MEGF10: variants seen among roughly 807,000 people sequenced by gnomAD.
MEGF10 encodes multiple epidermal growth factor-like domains protein 10.
Under a neutral mutation model 147.5 loss-of-function variants are expected in MEGF10, and 86 were observed. The ratio of observed to expected loss-of-function variants is 0.58; its 90% confidence interval spans 0.49 to 0.70. The LOEUF (loss-of-function observed/expected upper bound fraction) is 0.70, where lower values mean the gene tolerates loss of function less well. Among genes scored for constraint, MEGF10 ranks in the 30% least tolerant of loss-of-function variants. The pLI, the probability that MEGF10 is intolerant of heterozygous loss-of-function variation, is 0.00. For synonymous variants in MEGF10, 478 were observed against 525.5 expected, an observed-to-expected ratio of 0.91 and a Z score of 1.24; for missense variants, 1,329 against 1,487.3, an observed-to-expected ratio of 0.89 and a Z score of 1.75.
chr5:127,449,299 G>A, intron 22 of MEGF10, 77 bp downstream of exon 22: 1 of 1,578,070 alleles, frequency 6.3e-7, no homozygotes, highest in Non-Finnish European at 8.6e-7. Flanking sequence ...CTCTGTTTGT[G>A]CCAAGGTGTT....
chr5:127,394,623 T>C (rs1763830397), intron 5 of MEGF10, among the ~76,000 whole-genome samples: 2 of 152,150 alleles, frequency 1.3e-5, no homozygotes, highest in South Asian at 4.2e-4. Context: ...TTAAAGATTT[T>C]TTTCTTTTGA....
the MEGF10 span, among the ~76,000 whole-genome samples, chr5:127,254,530 G>A: frequency 6.6e-6 from 1 of 152,050 alleles, no homozygotes; most frequent in Non-Finnish European, 1.5e-5. Flanking sequence ...GTTGCATTGT[G>A]GCTGGGTGCA....
intron 6 of MEGF10, among the ~76,000 whole-genome samples, chr5:127,397,676 A>C (rs1220647320): frequency 6.6e-6 from 1 of 152,266 alleles, no homozygotes; most frequent in Non-Finnish European, 1.5e-5. Context: ...CCTGATTTTC[A>C]GAATTGATGA....
At chr5:127,369,341 T>C (rs1762767080) in intron 4 of MEGF10, among the ~76,000 whole-genome samples, 1 of 152,176 alleles carries the variant, frequency 6.6e-6, no homozygotes, top group Non-Finnish European at 1.5e-5. Context: ...GATTGAGATT[T>C]ACTGTTTCCC....
intron 13 of MEGF10, chr5:127,424,786 A>G (rs1000562819): frequency 7.0e-5 from 11 of 157,300 alleles, no homozygotes; most frequent in African/African-American, 1.9e-4. Flanking sequence ...CTGCCTTCCA[A>G]TGTTTCAGCT....
At chr5:127,413,881 C>A (rs1764663126) in intron 9 of MEGF10, among the ~76,000 whole-genome samples, 2 of 152,208 alleles carry the variant, frequency 1.3e-5, no homozygotes, top group Non-Finnish European at 2.9e-5. Context: ...AATTTCTCAG[C>A]CTGCCTCTTG....
intron 22 of MEGF10, among the ~76,000 whole-genome samples, chr5:127,453,591 C>A (rs1422582940): frequency 6.6e-6 from 1 of 152,178 alleles, no homozygotes; most frequent in Non-Finnish European, 1.5e-5. Flanking sequence ...AAAATTGACA[C>A]TCAGAGGGTG....
chr5:127,248,660 A>G, the MEGF10 span, among the ~76,000 whole-genome samples: 2 of 152,024 alleles, frequency 1.3e-5, no homozygotes, highest in African/African-American at 4.8e-5. Context: ...GAAGATAACA[A>G]AATGGAAAAA....
intron 2 of MEGF10, among the ~76,000 whole-genome samples, chr5:127,333,332 A>G (rs1417432471): frequency 6.6e-6 from 1 of 152,084 alleles, no homozygotes. Context: ...CCTGGCCAAC[A>G]TGGCAAAGCC....
chr5:127,419,322 G>A (rs1379376144), intron 11 of MEGF10, 82 bp downstream of exon 11: 1 of 1,506,796 alleles, frequency 6.6e-7, no homozygotes, highest in Non-Finnish European at 8.9e-7. Context: ...CCTTAACCAG[G>A]GTTCTAGCTC....
intron 2 of MEGF10, among the ~76,000 whole-genome samples, chr5:127,338,783 A>G (rs566134198): frequency 2.4e-4 from 37 of 152,200 alleles, no homozygotes; most frequent in African/African-American, 8.9e-4. Context: ...GATCTTTGTT[A>G]TGCTTTGAGC....
chr5:127,316,784 C>T (rs992049383), intron 1 of MEGF10, among the ~76,000 whole-genome samples: 2 of 152,006 alleles, frequency 1.3e-5, no homozygotes, highest in Admixed American at 6.6e-5. Flanking sequence ...GAGAGATGAG[C>T]GGTGTGGTGT....
chr5:127,367,638 G>A (rs1215088390), intron 4 of MEGF10, among the ~76,000 whole-genome samples: 1 of 152,264 alleles, frequency 6.6e-6, no homozygotes, highest in African/African-American at 2.4e-5. Flanking sequence ...TAAATGCACG[G>A]TGTCAAAGAA....
intron 1 of MEGF10, among the ~76,000 whole-genome samples, chr5:127,305,695 G>C (rs1345473160): frequency 6.6e-6 from 1 of 152,164 alleles, no homozygotes; most frequent in Non-Finnish European, 1.5e-5. Context: ...AAAGTCCCTT[G>C]CTTTCCTTCC....
At chr5:127,351,648 G>A (rs1762093384) in intron 4 of MEGF10, among the ~76,000 whole-genome samples, 1 of 152,138 alleles carries the variant, frequency 6.6e-6, no homozygotes, top group South Asian at 2.1e-4. Flanking sequence ...AAGCCAGCAG[G>A]GGACTCAAGC....
chr5:127,229,455 G>T, the MEGF10 span: 1 of 152,076 alleles, frequency 6.6e-6, no homozygotes, highest in Non-Finnish European at 1.5e-5. Context: ...ACCTCGCCGG[G>T]TCGAGGCCTC....
chr5:127,384,762 T>C (rs908407049), intron 5 of MEGF10, among the ~76,000 whole-genome samples: 9 of 152,258 alleles, frequency 5.9e-5, no homozygotes, highest in African/African-American at 2.2e-4. Flanking sequence ...TTTTGACATG[T>C]GAAGGACGTG....
In MEGF10 at chr5:127,449,180, T is replaced by C. The variant is rs1318517258; in HGVS notation, c.2938T>C (p.Leu980=). ...CCCTGTGGGGGACTGCACTGGGACA[T>C]TGCCGGCTGACTGGAAACATGGCGG... is the stretch of plus-strand genomic sequence containing the variant. ...RGPVGDCTGT[L]PADWKHGGYL... The change falls in exon 22 of 25, where the codon TTG becomes CTG. Residue 980 remains leucine, a synonymous_variant. Transcript: ENST00000503335. The C allele has an allele frequency of 6.2e-7, 1 of 1,614,052 alleles. No individual in the cohort carries two copies. Among genetic ancestry groups the C allele is most frequent in the Non-Finnish European group, 8.5e-7 (1 of 1,179,970 alleles).
chr5:127,377,346 A>G (rs1051750945), intron 5 of MEGF10, among the ~76,000 whole-genome samples: 1 of 152,342 alleles, frequency 6.6e-6, no homozygotes, highest in East Asian at 1.9e-4. Flanking sequence ...CAAATGGTAG[A>G]GTCCTAAATC....
Sources: gnomAD v4.1 joint callset for allele counts (sites outside exome capture counted in the v4.1 genomes callset) on GRCh38, gnomAD v4.1.1 for gene constraint, MANE v1.5 for transcripts, NCBI Gene and HGNC (gene_info 2026-07-23, HGNC 2026-07-21) for gene names.